LRIG1: variants seen among roughly 807,000 people sequenced by gnomAD.
LRIG1 encodes the protein leucine-rich repeats and immunoglobulin-like domains protein 1.
In LRIG1, 48 loss-of-function variants were observed where a neutral mutation model predicts 99.2. The ratio of observed to expected loss-of-function variants is 0.48; its 90% CI spans 0.38 to 0.62. The LOEUF is 0.62. LRIG1 is among the 20% of genes least tolerant of loss of function. LRIG1 has a pLI of 0.00. For missense variants in LRIG1, 1,646 were observed against 1,434.4 expected, an observed-to-expected ratio of 1.15 and a Z score of -2.38; for synonymous variants, 772 against 596.1, an observed-to-expected ratio of 1.29 and a Z score of -4.30.
chr3:66,435,339 A>T (rs1197700601), intron 3 of LRIG1, among the ~76,000 whole-genome samples: 1 of 152,222 alleles, frequency 6.6e-6, no homozygotes, highest in Non-Finnish European at 1.5e-5. Flanking sequence ...CAGGCAGATC[A>T]CTTGAGGTCA....
At chr3:66,452,953 T>G (rs1158005518) in intron 2 of LRIG1, among the ~76,000 whole-genome samples, 1 of 152,186 alleles carries the variant, frequency 6.6e-6, no homozygotes, top group Non-Finnish European at 1.5e-5. Flanking sequence ...CTTGTTTGTG[T>G]GTTGAAATAG....
intron 1 of LRIG1, among the ~76,000 whole-genome samples, chr3:66,475,205 G>A (rs773325757): frequency 3.3e-5 from 5 of 152,182 alleles, no homozygotes; most frequent in African/African-American, 9.6e-5. Context: ...ACAAATCGAG[G>A]TTTGTCAAAG....
intron 1 of LRIG1, among the ~76,000 whole-genome samples, chr3:66,480,483 A>G (rs558245336): frequency 2.0e-5 from 3 of 152,268 alleles, no homozygotes; most frequent in African/African-American, 4.8e-5. Flanking sequence ...AAAAAAAAAA[A>G]AAGTCCTGTT....
At chr3:66,399,217 G>A (rs577191940) in intron 9 of LRIG1, among the ~76,000 whole-genome samples, 176 bp from the exon 10 acceptor site, 4 of 152,340 alleles carry the variant, frequency 2.6e-5, no homozygotes, top group African/African-American at 4.8e-5. Flanking sequence ...TTTGAGGCAC[G>A]CAGGCCTTCC....
At chr3:66,477,163 T>C (rs1005758615) in intron 1 of LRIG1, among the ~76,000 whole-genome samples, 2 of 152,182 alleles carry the variant, frequency 1.3e-5, no homozygotes, top group African/African-American at 4.8e-5. Flanking sequence ...CCAACTAACA[T>C]TCATCAAGGA....
Position 66,500,951 on chromosome 3 carries a change from T to C in LRIG1, c.-544A>G, listed in dbSNP as rs1441234748. On this transcript the variant is annotated 5_prime_UTR_variant, in exon 1 of 19. Coordinates refer to ENST00000273261, the MANE Select transcript of LRIG1 (RefSeq NM_015541.3). ...AGAGAGCGCGCGCGCGCGCGCAGCC[T>C]CGGGTTCCGCACGGCTCCTCCGCGC... 1 of 151,642 alleles carries C rather than the reference T, an allele frequency of 6.6e-6. No homozygotes were observed. Among genetic ancestry groups the C allele is most frequent in the African/African-American group, 2.4e-5 (1 of 41,238 alleles). 9.4% of individuals were successfully genotyped at this position (151,642 alleles called of 1,614,324 possible).
intron 3 of LRIG1, among the ~76,000 whole-genome samples, chr3:66,436,108 G>C (rs1264873250): frequency 1.3e-5 from 2 of 152,226 alleles, no homozygotes; most frequent in African/African-American, 4.8e-5. Flanking sequence ...CTAGAGACAA[G>C]GGTGTTGCTG....
intron 9 of LRIG1, 97 bp from the exon 10 acceptor site, chr3:66,399,138 G>A (rs894590849): frequency 2.0e-6 from 2 of 992,380 alleles, no homozygotes; most frequent in East Asian, 5.1e-5. Flanking sequence ...ACACAATTAA[G>A]GTAGTGCTAC....
At chr3:66,446,102 T>C (rs1266419144) in intron 3 of LRIG1, among the ~76,000 whole-genome samples, 2 of 152,192 alleles carry the variant, frequency 1.3e-5, no homozygotes, top group Non-Finnish European at 2.9e-5. Flanking sequence ...TAAAGAAGAT[T>C]GATTTCGCCC....
At chr3:66,472,322 A>AAAAAAC (rs1700618759) in intron 1 of LRIG1, among the ~76,000 whole-genome samples, 1 of 150,726 alleles carries the variant, frequency 6.6e-6, no homozygotes, top group Admixed American at 6.6e-5. Flanking sequence ...AAAAAAAAAA[A>AAAAAAC]AAAAAAAAAA....
At chr3:66,433,950 A>C (rs753150563) in intron 3 of LRIG1, among the ~76,000 whole-genome samples, 46 of 152,346 alleles carry the variant, frequency 3.0e-4, no homozygotes, top group Middle Eastern at 3.4e-3. Flanking sequence ...AAAACATGTC[A>C]TCATGAACTT....
At chr3:66,384,889 C>A (rs918231348) in intron 13 of LRIG1, among the ~76,000 whole-genome samples, 4 of 152,152 alleles carry the variant, frequency 2.6e-5, no homozygotes, top group Admixed American at 2.6e-4. Context: ...GAGTTCCTGT[C>A]AACGTCAATT....
At position 66,380,572 on chromosome 3, in the gene LRIG1, G is replaced by A; in HGVS notation, c.3055+5C>T. 6.2e-7 allele frequency: 1 copy of A among 1,613,404 alleles called. No homozygotes were observed. The highest frequency in any genetic ancestry group is 1.1e-5 in the South Asian group (1 of 91,078). Reference sequence around the variant, plus strand: ...CCCACCTGTTAGAAGACAGTCAAAAGTTACCTTTCCCATCTAGAGATGCCA... The same window carrying A: ...CCCACCTGTTAGAAGACAGTCAAAAATTACCTTTCCCATCTAGAGATGCCA... On this transcript the variant is annotated splice_donor_5th_base_variant and intron_variant, in intron 18 of 18. Coordinates refer to ENST00000273261, the MANE Select transcript of LRIG1 (RefSeq NM_015541.3).
chr3:66,470,879 TG>T (rs1700580872), intron 1 of LRIG1, among the ~76,000 whole-genome samples: 1 of 151,324 alleles, frequency 6.6e-6, no homozygotes, highest in African/African-American at 2.4e-5. Context: ...TAATGGGTTT[TG>T]TTTTGTTTTA....
chr3:66,480,641 T>C (rs1477837665), intron 1 of LRIG1, among the ~76,000 whole-genome samples: 1 of 152,174 alleles, frequency 6.6e-6, no homozygotes, highest in Non-Finnish European at 1.5e-5. Flanking sequence ...TCAGCTTCTG[T>C]GTGCTTCCCA....
At chr3:66,396,508 G>C (rs1701856089) in intron 11 of LRIG1, among the ~76,000 whole-genome samples, 1 of 152,198 alleles carries the variant, frequency 6.6e-6, no homozygotes, top group Non-Finnish European at 1.5e-5. Context: ...CGACCAAGTG[G>C]AATTAACCAT....
intron 3 of LRIG1, among the ~76,000 whole-genome samples, chr3:66,439,002 T>G (rs1307335008): frequency 6.6e-6 from 1 of 152,244 alleles, no homozygotes; most frequent in African/African-American, 2.4e-5. Flanking sequence ...AGACAGGCAC[T>G]GGGCTCTTAC....
At position 66,382,971 on chromosome 3, in the gene LRIG1, C is replaced by G. The variant is rs1478946345; in HGVS notation, c.2491+11G>C. ...CCTCCTTGAAAGTCAGCTCCGCTGGCAGGGCCTGACCTGTGTTGGTGACAC... is the reference window on the plus strand; with the variant it reads ...CCTCCTTGAAAGTCAGCTCCGCTGGGAGGGCCTGACCTGTGTTGGTGACAC... On this transcript the variant is annotated intron_variant, in intron 15 of 18. Coordinates refer to ENST00000273261, the MANE Select transcript of LRIG1 (RefSeq NM_015541.3). The G allele has an allele frequency of 6.3e-7, 1 of 1,586,148 alleles. No individual in the cohort carries two copies. The highest frequency in any genetic ancestry group is 2.3e-5 in the East Asian group (1 of 44,348).
intron 12 of LRIG1, 121 bp downstream of exon 12, chr3:66,393,919 C>A (rs901326428): frequency 2.9e-6 from 3 of 1,026,830 alleles, no homozygotes; most frequent in South Asian, 1.6e-5. Flanking sequence ...CATCCAGCAG[C>A]TGATCTGTAA....
Sources: gnomAD v4.1 joint callset for allele counts (sites outside exome capture counted in the v4.1 genomes callset) on GRCh38, gnomAD v4.1.1 for gene constraint, MANE v1.5 for transcripts, NCBI Gene and HGNC (gene_info 2026-07-23, HGNC 2026-07-21) for gene names.